Variants in POLK observed in about 807,000 individuals in gnomAD.
The protein encoded by POLK is DNA polymerase kappa.
A neutral mutation model predicts 94.0 loss-of-function variants in POLK; 76 were observed. The ratio of observed to expected loss-of-function variants is 0.81; its 90% CI spans 0.67 to 0.98. POLK has a LOEUF of 0.98. Ranked by LOEUF, POLK falls within the 50% of genes least tolerant of loss-of-function variation. POLK has a pLI of 0.00. For synonymous variants in POLK, 349 were observed against 325.4 expected, an observed-to-expected ratio of 1.07 and a Z score of -0.78; for missense variants, 954 against 1,010.1, an observed-to-expected ratio of 0.94 and a Z score of 0.75.
intron 4 of POLK, 41 bp downstream of exon 4, chr5:75,569,533 A>C (rs1255351280): frequency 4.6e-6 from 7 of 1,525,564 alleles, no homozygotes; most frequent in Non-Finnish European, 6.3e-6. Flanking sequence ...TTTATAACGT[A>C]CTCAAGTAAG....
rs1167628691 is a variant in POLK at position 75,581,200 on chromosome 5, A to G, written c.695-9A>G. On this transcript the variant is annotated splice_polypyrimidine_tract_variant and intron_variant, in intron 6 of 14. Coordinates refer to ENST00000241436, the Ensembl canonical transcript of POLK. ...ATAAAGGTGAGTTATTTTCCTGTTT[A>G]TGACTTAGATAATCCAGGAAAGGAA... 8.3e-6 allele frequency: 13 copies of G among 1,572,346 alleles called. No homozygotes were observed. Among genetic ancestry groups the G allele is most frequent in the Admixed American group, 1.7e-5 (1 of 59,610 alleles).
At chr5:75,591,214 G>A (rs1432014246) in intron 11 of POLK, among the ~76,000 whole-genome samples, 2 of 151,998 alleles carry the variant, frequency 1.3e-5, no homozygotes, top group African/African-American at 2.4e-5. Flanking sequence ...ATAGATATCC[G>A]AAGTACACTT....
chr5:75,596,977 G>C, exon 13 of POLK: 1 of 1,613,774 alleles, frequency 6.2e-7, no homozygotes, highest in Non-Finnish European at 8.5e-7. Context: ...ATTTAGACAA[G>C]AATACCGCCA....
At chr5:75,528,094 A>T (rs1768961314) in intron 1 of POLK, among the ~76,000 whole-genome samples, 1 of 152,192 alleles carries the variant, frequency 6.6e-6, no homozygotes, top group South Asian at 2.1e-4. Context: ...GGCATGGAAA[A>T]TTTCCCTTCA....
In POLK at chr5:75,583,285, C is replaced by A; in HGVS notation, c.935-8C>A. 1 of 1,577,686 alleles carries A rather than the reference C, an allele frequency of 6.3e-7. No homozygotes were observed. Among genetic ancestry groups the A allele is most frequent in the South Asian group, 1.2e-5 (1 of 83,722 alleles). On this transcript the variant is annotated splice_polypyrimidine_tract_variant and splice_region_variant and intron_variant, in intron 7 of 14. Transcript: ENST00000241436. ...TTCTTTGAGTCATCAGAGTATTCTT[C>A]TTTTAAGGCATTGCCCCAAATACAA...
chr5:75,549,964 A>G (rs554123627), intron 2 of POLK, among the ~76,000 whole-genome samples: 4 of 152,198 alleles, frequency 2.6e-5, no homozygotes, highest in Non-Finnish European at 5.9e-5. Flanking sequence ...GACCTATATA[A>G]TAAGGAAATA....
exon 15 of POLK, chr5:75,600,236 A>G (rs971504932): frequency 4.6e-5 from 7 of 152,198 alleles, no homozygotes; most frequent in Admixed American, 3.9e-4. Context: ...AAATATTCCC[A>G]GCCATATTAA....
At chr5:75,526,392 C>T (rs980173188) in intron 1 of POLK, among the ~76,000 whole-genome samples, 2 of 151,964 alleles carry the variant, frequency 1.3e-5, no homozygotes, top group Non-Finnish European at 2.9e-5. Flanking sequence ...TAAAAAACCT[C>T]AGCACCTAAT....
chr5:75,591,760 T>C (rs1772798702), intron 11 of POLK, among the ~76,000 whole-genome samples: 1 of 152,230 alleles, frequency 6.6e-6, no homozygotes, highest in East Asian at 1.9e-4. Context: ...GGTAGTACTA[T>C]ACAGGTATTC....
intron 2 of POLK, 21 bp downstream of exon 2, chr5:75,547,178 G>C: frequency 7.0e-7 from 1 of 1,432,636 alleles, no homozygotes; most frequent in South Asian, 1.5e-5. Flanking sequence ...TGTTTCTTTT[G>C]ATGTGTGTAA....
At chr5:75,575,371 G>A (rs1036338057) in intron 5 of POLK, among the ~76,000 whole-genome samples, 6 of 152,090 alleles carry the variant, frequency 3.9e-5, no homozygotes, top group African/African-American at 1.2e-4. Context: ...TGCAGAGATA[G>A]GGTTTTCCTA....
intron 11 of POLK, among the ~76,000 whole-genome samples, chr5:75,592,854 G>A (rs1430337895): frequency 6.6e-6 from 1 of 152,070 alleles, no homozygotes; most frequent in Non-Finnish European, 1.5e-5. Context: ...AGGAGTTCAA[G>A]ACCAGCCTGG....
In POLK at chr5:75,525,592, A is replaced by G. The variant is rs1768800049; in HGVS notation, c.-14+13678A>G. Among the ~76,000 whole-genome samples, 3 of 152,306 alleles carry G rather than the reference A, an allele frequency of 2.0e-5. No individual in the cohort carries two copies. In the South Asian group the frequency reaches 6.2e-4, roughly 32 times the overall value. On this transcript the variant is annotated intron_variant, in intron 1 of 14. Transcript: ENST00000241436. ...AACAGGTAATTGAACCTCCAAAGGG[A>G]GATGAGAGAGATTATAGGAAGAGGA... is the stretch of plus-strand genomic sequence containing the variant.
chr5:75,584,113 A>G (rs1189058932), intron 8 of POLK, among the ~76,000 whole-genome samples: 2 of 152,198 alleles, frequency 1.3e-5, no homozygotes, highest in Non-Finnish European at 2.9e-5. Flanking sequence ...TCAAGTATGG[A>G]TAGATATTCC....
exon 15 of POLK, chr5:75,598,396 T>C (rs1051828682): frequency 9.1e-5 from 14 of 154,350 alleles, no homozygotes; most frequent in African/African-American, 3.4e-4. Flanking sequence ...CTTAACTACT[T>C]TGTTGGCATT....
At chr5:75,539,068 G>T (rs186934806) in intron 1 of POLK, among the ~76,000 whole-genome samples, 118 of 152,230 alleles carry the variant, frequency 7.8e-4, no homozygotes, top group African/African-American at 2.8e-3. Context: ...CACCGTGCCC[G>T]GCCGTTTAAG....
Position 75,563,284 on chromosome 5 carries a change from T to G in POLK, c.256-6056T>G, listed in dbSNP as rs544600766. Among the ~76,000 whole-genome samples, 20 of 151,904 alleles carry G rather than the reference T, an allele frequency of 1.3e-4. No individual in the cohort carries two copies. The South Asian group carries it at 4.2e-3, about 32-fold the overall frequency. ...GCTGTGAATCTGTCTGGTCCTGGACTTTTTTTTGGTTGGTAGTCTGGCTAG... is the reference window on the plus strand; with the variant it reads ...GCTGTGAATCTGTCTGGTCCTGGACGTTTTTTTGGTTGGTAGTCTGGCTAG... On this transcript the variant is annotated intron_variant, in intron 3 of 14. Transcript: ENST00000241436.
intron 3 of POLK, 141 bp downstream of exon 3, chr5:75,552,732 C>A: frequency 1.1e-6 from 1 of 873,514 alleles, no homozygotes; most frequent in Non-Finnish European, 1.8e-6. Flanking sequence ...AGCAAATGAA[C>A]ATACTTTACT....
At chr5:75,588,222 T>A (rs1233371293) in intron 10 of POLK, among the ~76,000 whole-genome samples, 1 of 152,120 alleles carries the variant, frequency 6.6e-6, no homozygotes, top group Non-Finnish European at 1.5e-5. Context: ...TTCTGGAAAC[T>A]TTCTCCCCTT....
Sources: gnomAD v4.1 joint callset for allele counts (sites outside exome capture counted in the v4.1 genomes callset) on GRCh38, gnomAD v4.1.1 for gene constraint, MANE v1.5 for transcripts, NCBI Gene and HGNC (gene_info 2026-07-23, HGNC 2026-07-21) for gene names.